The following RAB2A variants were observed in gnomAD, a reference collection of about 807,000 sequenced individuals.
The protein encoded by RAB2A is ras-related protein Rab-2A.
RAB2A carries 7 observed loss-of-function variants against 32.5 expected under a neutral mutation model. The observed-to-expected ratio is 0.22, with a 90% CI of 0.12 to 0.40. The LOEUF is 0.40. RAB2A is among the 10% of genes least tolerant of loss of function. The pLI, the probability that RAB2A is intolerant of heterozygous loss-of-function variation, is 1.00. For synonymous variants in RAB2A, 79 were observed against 85.2 expected (o/e 0.93, Z 0.40); for missense variants, 108 against 260.7 (o/e 0.41, Z 4.03).
chr8:60,546,891 C>CTTTTT (rs6150606), intron 1 of RAB2A, among the ~76,000 whole-genome samples: 51 of 98,916 alleles, frequency 5.2e-4, no homozygotes, highest in African/African-American at 9.8e-4. Context: ...TTTTTTGGGT[C>CTTTTT]TTTTTTTTTT....
intron 1 of RAB2A, among the ~76,000 whole-genome samples, chr8:60,528,764 G>A (rs1293584303): frequency 6.6e-6 from 1 of 152,178 alleles, no homozygotes; most frequent in African/African-American, 2.4e-5. Context: ...TAAGAGATGA[G>A]GTCTCACTAT....
intron 1 of RAB2A, among the ~76,000 whole-genome samples, chr8:60,542,615 T>C (rs1178947315): frequency 6.6e-6 from 1 of 152,226 alleles, no homozygotes; most frequent in African/African-American, 2.4e-5. Context: ...TATATCTCAT[T>C]TACTCATTTT....
intron 7 of RAB2A, among the ~76,000 whole-genome samples, chr8:60,619,845 T>C (rs1475987287): frequency 6.6e-6 from 1 of 152,366 alleles, no homozygotes; most frequent in Non-Finnish European, 1.5e-5. Flanking sequence ...GTCTGACTCC[T>C]TGACTCCTCA....
At chr8:60,590,506 A>G (rs1015250605) in intron 5 of RAB2A, among the ~76,000 whole-genome samples, 2 of 148,198 alleles carry the variant, frequency 1.3e-5, no homozygotes, top group African/African-American at 4.9e-5. Context: ...GCCCTGGAAA[A>G]GCCTTGGCAC....
At chr8:60,547,348 TC>T (rs891829540) in intron 1 of RAB2A, among the ~76,000 whole-genome samples, 4 of 152,060 alleles carry the variant, frequency 2.6e-5, no homozygotes, top group Admixed American at 2.6e-4. Context: ...TCCCCACCTT[TC>T]CCCCCTTTCT....
intron 1 of RAB2A, among the ~76,000 whole-genome samples, chr8:60,527,797 A>C (rs1436910513): frequency 6.6e-6 from 1 of 152,222 alleles, no homozygotes; most frequent in East Asian, 1.9e-4. Context: ...GAATCTTGAA[A>C]GAAGCTTTGC....
chr8:60,527,144 G>C (rs994778032), intron 1 of RAB2A, among the ~76,000 whole-genome samples: 1 of 152,070 alleles, frequency 6.6e-6, no homozygotes, highest in African/African-American at 2.4e-5. Flanking sequence ...TGTCAGACCA[G>C]GAAAGAGAGA....
Position 60,594,848 on chromosome 8 carries a change from A to G in RAB2A, c.474+2879A>G, listed in dbSNP as rs111864910. 4.0e-3 allele frequency among the ~76,000 whole-genome samples: 608 copies of G among 152,340 alleles called. 7 individuals are homozygous for G. Among genetic ancestry groups the G allele is most frequent in the African/African-American group, 0.014 (587 of 41,576 alleles). The stretch of plus-strand genomic sequence containing the variant: ...ATGGCTGCATAGTATTCCATGGTGT[A>G]TATGTGCCACATTTTCTTAATCCAG... On this transcript the variant is annotated intron_variant, in intron 6 of 7. Coordinates refer to ENST00000262646, the MANE Select transcript of RAB2A (RefSeq NM_002865.3).
chr8:60,560,195 T>G (rs1808000061), intron 2 of RAB2A, among the ~76,000 whole-genome samples: 1 of 152,194 alleles, frequency 6.6e-6, no homozygotes, highest in Admixed American at 6.5e-5. Context: ...GCTCATTATC[T>G]TCCCATCTCA....
At chr8:60,563,963 T>C (rs898214745) in intron 2 of RAB2A, among the ~76,000 whole-genome samples, 1 of 152,214 alleles carries the variant, frequency 6.6e-6, no homozygotes, top group Non-Finnish European at 1.5e-5. Flanking sequence ...CATCTATTCC[T>C]GACATTTACA....
chr8:60,552,563 C>T (rs142428606), intron 1 of RAB2A: 1 of 152,156 alleles, frequency 6.6e-6, no homozygotes, highest in African/African-American at 2.4e-5. Context: ...TAAATTTATC[C>T]ATGAAAAGAA....
chr8:60,568,681 T>C (rs879390115), intron 2 of RAB2A, among the ~76,000 whole-genome samples: 13 of 152,176 alleles, frequency 8.5e-5, no homozygotes, highest in Non-Finnish European at 1.5e-4. Context: ...AAAGTGTACC[T>C]ATTCAGAGTA....
At chr8:60,591,010 C>T (rs1414055355) in intron 5 of RAB2A, among the ~76,000 whole-genome samples, 1 of 151,858 alleles carries the variant, frequency 6.6e-6, no homozygotes. Flanking sequence ...GGAAAGAAAC[C>T]TGAAATCTGG....
chr8:60,602,931 G>A (rs1045903772), intron 6 of RAB2A, among the ~76,000 whole-genome samples: 2 of 152,174 alleles, frequency 1.3e-5, no homozygotes, highest in Admixed American at 6.5e-5. Flanking sequence ...GAAACTGACC[G>A]TGGGCTCAGA....
At chr8:60,588,646 G>A (rs543156474) in intron 5 of RAB2A, among the ~76,000 whole-genome samples, 136 of 152,302 alleles carry the variant, frequency 8.9e-4, no homozygotes, top group African/African-American at 3.2e-3. Flanking sequence ...GTGGCAGAAA[G>A]CAGATCATCA....
At chr8:60,577,620 G>A (rs926129082) in intron 3 of RAB2A, among the ~76,000 whole-genome samples, 2 of 149,650 alleles carry the variant, frequency 1.3e-5, no homozygotes, top group Non-Finnish European at 3.0e-5. Context: ...CTTGATAGAG[G>A]TCTAAATTTT....
At chr8:60,565,936 A>G (rs950310962) in intron 2 of RAB2A, among the ~76,000 whole-genome samples, 2 of 151,858 alleles carry the variant, frequency 1.3e-5, no homozygotes, top group Admixed American at 1.3e-4. Flanking sequence ...GATGGTCTCG[A>G]TCTCCTGACC....
At chr8:60,608,891 G>A (rs190716713) in intron 6 of RAB2A, among the ~76,000 whole-genome samples, 70 of 152,084 alleles carry the variant, frequency 4.6e-4, no homozygotes, top group Admixed American at 1.7e-3. Context: ...CAGTTAATAC[G>A]TATCACTTTT....
chr8:60,571,941 TTACC>T, intron 2 of RAB2A, 101 bp from the exon 3 acceptor site: 3 of 717,468 alleles, frequency 4.2e-6, no homozygotes, highest in Non-Finnish European at 4.6e-6. Context: ...GATCTGTATA[TTACC>T]TAGCATAGCA....
Sources: gnomAD v4.1 joint callset for allele counts (sites outside exome capture counted in the v4.1 genomes callset) on GRCh38, gnomAD v4.1.1 for gene constraint, MANE v1.5 for transcripts, NCBI Gene and HGNC (gene_info 2026-07-23, HGNC 2026-07-21) for gene names.